Variants in GRK7 observed in about 807,000 individuals in gnomAD.
GRK7 encodes the protein rhodopsin kinase GRK7.
A neutral mutation model predicts 34.1 loss-of-function variants in GRK7; 24 were observed. The ratio of observed to expected loss-of-function variants is 0.70; its 90% confidence interval spans 0.51 to 0.99. The LOEUF is 0.99. Ranked by LOEUF, GRK7 falls within the 50% of genes least tolerant of loss-of-function variation. The pLI is 0.00. For missense variants in GRK7, 644 were observed against 707.3 expected, an observed-to-expected ratio of 0.91 and a Z score of 1.02; for synonymous variants, 256 against 279.4, an observed-to-expected ratio of 0.92 and a Z score of 0.84.
At chr3:141,810,788 C>T (rs1711085484) in intron 5 of GRK7, among the ~76,000 whole-genome samples, 1 of 152,104 alleles carries the variant, frequency 6.6e-6, no homozygotes, top group East Asian at 1.9e-4. Flanking sequence ...GTCCTTGGGT[C>T]CTGCCTACGG....
intron 4 of GRK7, among the ~76,000 whole-genome samples, chr3:141,790,734 G>C (rs1419095323): frequency 6.6e-6 from 1 of 151,976 alleles, no homozygotes; most frequent in Non-Finnish European, 1.5e-5. Flanking sequence ...CGGCTAATTT[G>C]TGTATTTTTA....
At chr3:141,799,092 C>G (rs903544563) in intron 4 of GRK7, among the ~76,000 whole-genome samples, 1 of 152,154 alleles carries the variant, frequency 6.6e-6, no homozygotes, top group Non-Finnish European at 1.5e-5. Flanking sequence ...CTGTGTGGAG[C>G]AGCCGAGCCA....
chr3:141,787,274 T>C (rs1230892719), intron 4 of GRK7, among the ~76,000 whole-genome samples: 2 of 152,150 alleles, frequency 1.3e-5, no homozygotes. Flanking sequence ...AGAAAACTCA[T>C]ACAAATAGTT....
intron 1 of GRK7, among the ~76,000 whole-genome samples, chr3:141,768,722 C>T (rs2084602072): frequency 6.6e-6 from 1 of 152,168 alleles, no homozygotes; most frequent in Non-Finnish European, 1.5e-5. Context: ...CACCTTCCTT[C>T]CCTCCTCAAT....
intron 4 of GRK7, among the ~76,000 whole-genome samples, chr3:141,806,086 G>A (rs1295709203): frequency 2.0e-5 from 3 of 152,166 alleles, no homozygotes; most frequent in Non-Finnish European, 4.4e-5. Context: ...GGGCCTTTGG[G>A]TGTTTCCAGC....
intron 4 of GRK7, among the ~76,000 whole-genome samples, chr3:141,781,779 T>C (rs2084673515): frequency 6.6e-6 from 1 of 152,200 alleles, no homozygotes; most frequent in Non-Finnish European, 1.5e-5. Flanking sequence ...TTAAAATTCT[T>C]TGGTTAAAAA....
chr3:141,762,726 T>C (rs542622941), upstream of GRK7, among the ~76,000 whole-genome samples: 1,651 of 152,274 alleles, frequency 0.011, 14 homozygotes, highest in Non-Finnish European at 0.017. Flanking sequence ...CGCTGCCGCC[T>C]TGCAGTTTGA....
In GRK7 at chr3:141,774,429, A is replaced by T. The variant is rs2084630004; in HGVS notation, c.-214-151A>T. Among the ~76,000 whole-genome samples, 3 of 152,146 alleles carry T rather than the reference A, an allele frequency of 2.0e-5. No homozygotes were observed. The South Asian group carries it at 6.2e-4, about 32-fold the overall frequency. ...AGAGTGAGACCCTGTCTCAAAAAAG[A>T]AAAAAAAGAAAAAAGAAAGAAAAAG... is the stretch of plus-strand genomic sequence containing the variant. On this transcript the variant is annotated intron_variant, in intron 1 of 5. Coordinates refer to ENST00000682958, the MANE Select transcript of GRK7 (RefSeq NM_139209.3).
At chr3:141,815,509 C>A (rs1393342626) in intron 5 of GRK7, among the ~76,000 whole-genome samples, 2 of 151,962 alleles carry the variant, frequency 1.3e-5, no homozygotes, top group Admixed American at 1.3e-4. Flanking sequence ...TTAAGAGTAA[C>A]CAAGAGGAGT....
At position 141,780,791 on chromosome 3, in the gene GRK7, G is replaced by T. The variant is rs1213652170; in HGVS notation, c.1030G>T (p.Gly344Cys). The stretch of plus-strand genomic sequence containing the variant: ...GGGGCTGGCCGTGGAGATGAAGGGT[G>T]GCAAGCCCATCACCCAGAGGGTGAG... ...DLGLAVEMKG[G>C]KPITQRAGTN... is the part of the protein sequence containing the mutation. The change falls in exon 4 of 6, where the codon GGC becomes TGC. Residue 344 changes from glycine (G) to cysteine (C), a missense_variant. Gly to Cys is a radical substitution (Grantham distance 159, BLOSUM62 -3). Transcript: ENST00000682958. The T allele has an allele frequency of 1.2e-6, 2 of 1,613,762 alleles. No homozygotes were observed. The highest frequency in any genetic ancestry group is 2.7e-5 in the African/African-American group (2 of 75,058).
chr3:141,760,291 T>C (rs1221297075), upstream of GRK7, among the ~76,000 whole-genome samples: 1 of 117,084 alleles, frequency 8.5e-6, no homozygotes, highest in Non-Finnish European at 1.8e-5. Context: ...TTTGAATGCG[T>C]CCCAGAGATT....
At chr3:141,785,763 CAAA>C (rs549296763) in intron 4 of GRK7, among the ~76,000 whole-genome samples, 1 of 125,762 alleles carries the variant, frequency 8.0e-6, no homozygotes, top group African/African-American at 3.0e-5. Flanking sequence ...GAGTCTGTCT[CAAA>C]AAAAAAAAAA....
chr3:141,815,227 T>G (rs932072975), intron 5 of GRK7, among the ~76,000 whole-genome samples: 4 of 93,660 alleles, frequency 4.3e-5, no homozygotes, highest in Non-Finnish European at 8.8e-5. Flanking sequence ...GTCTGGTTGG[T>G]TTTTTTTGTT....
chr3:141,797,454 A>G (rs1352146597), intron 4 of GRK7, among the ~76,000 whole-genome samples: 1 of 152,204 alleles, frequency 6.6e-6, no homozygotes, highest in Non-Finnish European at 1.5e-5. Flanking sequence ...GGGAACGAGA[A>G]CAAAGCGGCC....
At chr3:141,782,833 G>T (rs1414923741) in intron 4 of GRK7, among the ~76,000 whole-genome samples, 1 of 151,764 alleles carries the variant, frequency 6.6e-6, no homozygotes, top group Non-Finnish European at 1.5e-5. Context: ...AAAGAAGTAG[G>T]AGGAAAGGCA....
intron 4 of GRK7, among the ~76,000 whole-genome samples, chr3:141,802,366 T>TCTCACA (rs1553737502): frequency 6.2e-5 from 9 of 145,574 alleles, no homozygotes; most frequent in African/African-American, 1.8e-4. Flanking sequence ...TCTTTCTCTG[T>TCTCACA]CACACACACA....
intron 4 of GRK7, among the ~76,000 whole-genome samples, chr3:141,799,341 G>A (rs1197699821): frequency 6.6e-6 from 1 of 152,178 alleles, no homozygotes; most frequent in African/African-American, 2.4e-5. Context: ...GGGCAGGCAT[G>A]GTGGGTCACG....
intron 4 of GRK7, among the ~76,000 whole-genome samples, chr3:141,784,221 G>A (rs962105216): frequency 3.9e-5 from 6 of 152,122 alleles, no homozygotes; most frequent in East Asian, 1.9e-4. Context: ...CATCTGGAAC[G>A]TGCAGGAAGG....
At chr3:141,789,745 T>TA (rs1380646129) in intron 4 of GRK7, among the ~76,000 whole-genome samples, 10 of 151,522 alleles carry the variant, frequency 6.6e-5, no homozygotes, top group African/African-American at 1.7e-4. Context: ...TCTGACCCCT[T>TA]AATCACGGGA....
Sources: allele counts gnomAD v4.1 joint callset (sites outside exome capture counted in the v4.1 genomes callset), GRCh38; gene constraint gnomAD v4.1.1; transcripts MANE v1.5; gene names NCBI Gene and HGNC (gene_info 2026-07-23, HGNC 2026-07-21).